DSCAML1: variants seen among roughly 807,000 people sequenced by gnomAD.
DSCAML1 encodes cell adhesion molecule DSCAML1.
DSCAML1 carries 38 observed loss-of-function variants against 200.5 expected under a neutral mutation model. That is an observed-to-expected ratio of 0.19 (90% CI 0.15 to 0.25). The LOEUF is 0.25. Among genes scored for constraint, DSCAML1 ranks in the 10% least tolerant of loss-of-function variants. The pLI is 1.00. For missense variants in DSCAML1, 2,223 were observed against 2,858.8 expected, an observed-to-expected ratio of 0.78 and a Z score of 5.07; for synonymous variants, 1,215 against 1,165.0, an observed-to-expected ratio of 1.04 and a Z score of -0.87.
chr11:117,648,044 A>AG lies in DSCAML1; in HGVS notation c.512-115523dup, dbSNP rs1213679664. On this transcript the variant is annotated intron_variant, in intron 3 of 32. Transcript: ENST00000651296. ...GCCCTGGTGGGTGGTCGTGCCAGTC[A>AG]GCCCTGCATGGGGGCTCTGCCCAGC... Among the ~76,000 whole-genome samples the AG allele has an allele frequency of 3.3e-5, 5 of 152,328 alleles. No homozygotes were observed. The Middle Eastern group carries it at 0.01, about 311-fold the overall frequency.
intron 16 of DSCAML1, among the ~76,000 whole-genome samples, chr11:117,468,600 C>T (rs543177431): frequency 2.0e-5 from 3 of 152,188 alleles, no homozygotes; most frequent in Non-Finnish European, 2.9e-5. Flanking sequence ...CCTCACCCCA[C>T]TTTCTGAGGA....
At chr11:117,715,654 T>C (rs1296845910) in intron 3 of DSCAML1, among the ~76,000 whole-genome samples, 1 of 151,956 alleles carries the variant, frequency 6.6e-6, no homozygotes, top group Non-Finnish European at 1.5e-5. Context: ...CCACAAAGTG[T>C]GATGAGTACG....
chr11:117,472,366 C>T (rs1445020429), intron 14 of DSCAML1, among the ~76,000 whole-genome samples: 1 of 152,180 alleles, frequency 6.6e-6, no homozygotes, highest in Non-Finnish European at 1.5e-5. Flanking sequence ...TGGCCAGTGC[C>T]CTTCTTCCTG....
At chr11:117,553,456 G>C (rs2050503499) in intron 3 of DSCAML1, among the ~76,000 whole-genome samples, 2 of 152,066 alleles carry the variant, frequency 1.3e-5, no homozygotes, top group African/African-American at 2.4e-5. Context: ...AAACAACCCA[G>C]TTTAAACATG....
At chr11:117,586,275 A>G (rs2051139844) in intron 3 of DSCAML1, among the ~76,000 whole-genome samples, 1 of 139,456 alleles carries the variant, frequency 7.2e-6, no homozygotes, top group South Asian at 2.7e-4. Flanking sequence ...GAGCAATAGA[A>G]CATGGCTTGC....
chr11:117,795,811 G>C (rs1345915465), intron 1 of DSCAML1, among the ~76,000 whole-genome samples: 2 of 152,192 alleles, frequency 1.3e-5, no homozygotes, highest in East Asian at 3.9e-4. Context: ...GGCAGGGTTG[G>C]ACCCCTCCCC....
chr11:117,546,252 C>T (rs1405544123), intron 3 of DSCAML1, among the ~76,000 whole-genome samples: 2 of 152,230 alleles, frequency 1.3e-5, no homozygotes, highest in Non-Finnish European at 2.9e-5. Context: ...GAACCCAGCT[C>T]TGCAGTCAGA....
At chr11:117,710,540 CA>C in intron 3 of DSCAML1, among the ~76,000 whole-genome samples, 1 of 152,314 alleles carries the variant, frequency 6.6e-6, no homozygotes, top group East Asian at 1.9e-4. Flanking sequence ...ACTGGAGAAG[CA>C]GAGTAGTTTT....
intron 3 of DSCAML1, among the ~76,000 whole-genome samples, chr11:117,658,039 A>T (rs941807119): frequency 1.3e-5 from 2 of 152,192 alleles, no homozygotes; most frequent in African/African-American, 4.8e-5. Context: ...ACCAAGGCAC[A>T]ATGAGATGAC....
At chr11:117,680,683 G>T (rs1384472965) in intron 3 of DSCAML1, among the ~76,000 whole-genome samples, 1 of 152,188 alleles carries the variant, frequency 6.6e-6, no homozygotes, top group African/African-American at 2.4e-5. Context: ...GATCACCAGG[G>T]CTTGTAAGGA....
In DSCAML1 at chr11:117,503,817, C is replaced by T. The variant is rs1369288983; in HGVS notation, c.2359+28G>A. ...GGGGCTTGGCTGTGATTTGGGGGTGCTAGGGGGCGTGTGGGGACAGGACTC... is the reference window on the plus strand; with the variant it reads ...GGGGCTTGGCTGTGATTTGGGGGTGTTAGGGGGCGTGTGGGGACAGGACTC... On this transcript the variant is annotated intron_variant, in intron 11 of 32. Transcript: ENST00000651296. The surrounding 1 kb of genome is among the most constrained non-coding windows in gnomAD (Gnocchi z 5.2). The T allele has an allele frequency of 5.6e-6, 9 of 1,604,178 alleles. No individual in the cohort carries two copies. The highest frequency in any genetic ancestry group is 7.7e-6 in the Non-Finnish European group (9 of 1,174,910).
At chr11:117,639,451 G>GATGGGTGGGAGGCTGA (rs2052357592) in intron 3 of DSCAML1, among the ~76,000 whole-genome samples, 3 of 150,776 alleles carry the variant, frequency 2.0e-5, no homozygotes, top group Admixed American at 2.0e-4. Flanking sequence ...TGGGAGGCTG[G>GATGGGTGGGAGGCTGA]ATGGGTGGGA....
chr11:117,490,211 A>G (rs574083987), intron 11 of DSCAML1, among the ~76,000 whole-genome samples: 4 of 152,354 alleles, frequency 2.6e-5, no homozygotes, highest in African/African-American at 9.6e-5. Flanking sequence ...AATCAATTTC[A>G]GAAACAAGAC....
At chr11:117,547,334 T>G (rs1336467958) in intron 3 of DSCAML1, among the ~76,000 whole-genome samples, 2 of 152,180 alleles carry the variant, frequency 1.3e-5, no homozygotes, top group Non-Finnish European at 2.9e-5. Flanking sequence ...GCTACCTCCT[T>G]GCAACAGAAC....
chr11:117,605,543 TA>T (rs1223819972), intron 3 of DSCAML1, among the ~76,000 whole-genome samples: 3 of 152,242 alleles, frequency 2.0e-5, no homozygotes, highest in Non-Finnish European at 2.9e-5. Flanking sequence ...TGGCTTCTTT[TA>T]GTCCTGGGCA....
At chr11:117,814,323 G>A (rs1050132225) in intron 1 of DSCAML1, among the ~76,000 whole-genome samples, 1 of 152,198 alleles carries the variant, frequency 6.6e-6, no homozygotes, top group African/African-American at 2.4e-5. Flanking sequence ...TCACACGGAT[G>A]CGCATGAAAC....
chr11:117,577,277 C>G (rs561104101), intron 3 of DSCAML1, among the ~76,000 whole-genome samples: 1 of 152,354 alleles, frequency 6.6e-6, no homozygotes, highest in South Asian at 2.1e-4. Context: ...GCCCTGCTCT[C>G]AGTGTTCAAT....
intron 3 of DSCAML1, among the ~76,000 whole-genome samples, chr11:117,537,067 T>C (rs1249117922): frequency 6.6e-6 from 1 of 152,196 alleles, no homozygotes; most frequent in Non-Finnish European, 1.5e-5. Context: ...GCCTGGACCA[T>C]TAGTCGACTT....
intron 17 of DSCAML1, among the ~76,000 whole-genome samples, chr11:117,462,370 T>G (rs2048497724): frequency 6.6e-6 from 1 of 152,302 alleles, no homozygotes; most frequent in African/African-American, 2.4e-5. Flanking sequence ...CTGCCCCTCC[T>G]GAGATGACAG....
Sources: allele counts gnomAD v4.1 joint callset (sites outside exome capture counted in the v4.1 genomes callset), GRCh38; gene constraint gnomAD v4.1.1; non-coding constraint Gnocchi (gnomAD v3.1); transcripts MANE v1.5; gene names NCBI Gene and HGNC (gene_info 2026-07-23, HGNC 2026-07-21).